Variants in TRMT9B observed in about 807,000 individuals in gnomAD.
TRMT9B encodes probable tRNA methyltransferase 9B.
Under a neutral mutation model 11.5 loss-of-function variants are expected in TRMT9B, and 16 were observed. That is an observed-to-expected ratio of 1.39 (90% CI 0.94 to 2.11). The LOEUF is 2.11. TRMT9B is among the 30% of genes most tolerant of loss of function. The pLI, the probability that TRMT9B is intolerant of heterozygous loss-of-function variation, is 0.00. For synonymous variants in TRMT9B, 274 were observed against 192.4 expected, an observed-to-expected ratio of 1.42 and a Z score of -3.51; for missense variants, 941 against 553.8, an observed-to-expected ratio of 1.70 and a Z score of -7.02.
intron 1 of TRMT9B, among the ~76,000 whole-genome samples, chr8:12,959,120 G>A (rs1045199667): frequency 3.3e-5 from 5 of 152,116 alleles, no homozygotes; most frequent in African/African-American, 9.7e-5. Flanking sequence ...TTCTTCACGT[G>A]ACCAAGAACA....
intron 3 of TRMT9B, among the ~76,000 whole-genome samples, chr8:13,009,583 T>G (rs78025304): frequency 6.6e-6 from 1 of 152,134 alleles, no homozygotes. Context: ...TATGTAAAAA[T>G]AAGCGTATTT....
At chr8:12,990,789 C>T (rs372402513) in intron 1 of TRMT9B, 45 bp from the exon 2 acceptor site, 1 of 1,233,858 alleles carries the variant, frequency 8.1e-7, no homozygotes, top group South Asian at 1.3e-5. Context: ...GCTCCATATA[C>T]ATACCATGTG....
intron 1 of TRMT9B, among the ~76,000 whole-genome samples, chr8:12,960,633 A>G (rs1254840169): frequency 3.3e-5 from 5 of 152,244 alleles, no homozygotes; most frequent in African/African-American, 1.2e-4. Flanking sequence ...GTGATTAAAA[A>G]GAAATGATTT....
intron 3 of TRMT9B, chr8:13,007,520 A>G (rs1477595735): frequency 6.6e-6 from 1 of 152,212 alleles, no homozygotes; most frequent in African/African-American, 2.4e-5. Flanking sequence ...TGGTAAGAGA[A>G]ACAGACATAC....
chr8:13,023,813 A>T lies in TRMT9B; in HGVS notation c.*1769A>T, dbSNP rs890010462. Reference sequence around the variant, plus strand: ...ACTTAAAATAATGATGTTACTTTTGAACAAACTTAAAGAAATATTTTTAAA... The same window carrying T: ...ACTTAAAATAATGATGTTACTTTTGTACAAACTTAAAGAAATATTTTTAAA... On this transcript the variant is annotated 3_prime_UTR_variant, in exon 5 of 5. Transcript: ENST00000524591. The T allele has an allele frequency of 1.8e-5, 3 of 166,496 alleles. No individual in the cohort carries two copies. The highest frequency in any genetic ancestry group is 7.2e-5 in the African/African-American group (3 of 41,424). 10.3% of individuals were successfully genotyped at this position (166,496 alleles called of 1,614,324 possible). A position where few individuals can be genotyped will look rare whatever the true frequency, so the allele number is the denominator to read the frequency against.
intron 2 of TRMT9B, among the ~76,000 whole-genome samples, chr8:13,004,264 C>T (rs1810003336): frequency 6.6e-6 from 1 of 151,872 alleles, no homozygotes; most frequent in Non-Finnish European, 1.5e-5. Flanking sequence ...GGTGAGTCCT[C>T]CTGCTGAACT....
chr8:12,973,895 C>T (rs1336003762), intron 1 of TRMT9B, among the ~76,000 whole-genome samples: 1 of 152,158 alleles, frequency 6.6e-6, no homozygotes, highest in Non-Finnish European at 1.5e-5. Context: ...TGCGGTGGCT[C>T]ATACCTGTAA....
chr8:12,978,121 G>A (rs911819817), intron 1 of TRMT9B, among the ~76,000 whole-genome samples: 4 of 152,210 alleles, frequency 2.6e-5, no homozygotes, highest in African/African-American at 7.2e-5. Context: ...AAGCAAATAA[G>A]CTATAGATCT....
intron 1 of TRMT9B, among the ~76,000 whole-genome samples, chr8:12,980,721 A>G (rs1336847504): frequency 6.6e-6 from 1 of 152,208 alleles, no homozygotes; most frequent in African/African-American, 2.4e-5. Flanking sequence ...TTCGTGACAC[A>G]AGCTGAACCT....
At chr8:12,983,512 T>C (rs1805750352) in intron 1 of TRMT9B, among the ~76,000 whole-genome samples, 1 of 151,894 alleles carries the variant, frequency 6.6e-6, no homozygotes. Context: ...TCTACTAAAA[T>C]TACAGAAATT....
chr8:13,029,648 T>C lies in TRMT9B; in HGVS notation c.*7604T>C, dbSNP rs1480063904. On this transcript the variant is annotated 3_prime_UTR_variant, in exon 5 of 5. Transcript: ENST00000524591. The stretch of plus-strand genomic sequence containing the variant: ...ACGGGGCAAGTTCGTATTTGAATTC[T>C]GTTATATTTATCTAAGGGAAGCAAA... 6.3e-6 allele frequency: 1 copy of C among 159,284 alleles called. No homozygotes were observed. The highest frequency in any genetic ancestry group is 6.5e-5 in the Admixed American group (1 of 15,290). 9.9% of individuals were successfully genotyped at this position (159,284 alleles called of 1,614,324 possible).
intron 1 of TRMT9B, among the ~76,000 whole-genome samples, chr8:12,968,395 A>G (rs1043421310): frequency 2.6e-5 from 4 of 152,202 alleles, no homozygotes; most frequent in African/African-American, 4.8e-5. Flanking sequence ...GAATTGCTGT[A>G]AAAGGAGACT....
At position 12,999,637 on chromosome 8, in the gene TRMT9B, G is replaced by T. The variant is rs1478366323; in HGVS notation, c.-1-6565G>T. Among the ~76,000 whole-genome samples, 3 of 152,292 alleles carry T rather than the reference G, an allele frequency of 2.0e-5. No homozygotes were observed. The South Asian group carries it at 6.2e-4, about 32-fold the overall frequency. On this transcript the variant is annotated intron_variant, in intron 2 of 4. Coordinates refer to ENST00000524591, the MANE Select transcript of TRMT9B (RefSeq NM_020844.3). ...CCTATTACATTTAGGGCCAGTGCTAGATATTATGGGCTAACCAAAGATGTG... is the reference window on the plus strand; with the variant it reads ...CCTATTACATTTAGGGCCAGTGCTATATATTATGGGCTAACCAAAGATGTG...
chr8:13,016,378 A>G (rs1030828344), intron 4 of TRMT9B, among the ~76,000 whole-genome samples: 1 of 146,830 alleles, frequency 6.8e-6, no homozygotes, highest in Non-Finnish European at 1.5e-5. Context: ...TATGAGAAAT[A>G]TATATAAATA....
intron 4 of TRMT9B, among the ~76,000 whole-genome samples, chr8:13,016,740 G>C (rs1007357939): frequency 6.6e-6 from 1 of 151,130 alleles, no homozygotes; most frequent in Non-Finnish European, 1.5e-5. Flanking sequence ...TCTCAACTGG[G>C]GGTTACGTTG....
At chr8:12,990,701 A>T in intron 1 of TRMT9B, 133 bp from the exon 2 acceptor site, 1 of 316,670 alleles carries the variant, frequency 3.2e-6, no homozygotes. Flanking sequence ...CACACTCCAC[A>T]TATTAACAAT....
chr8:12,946,199 T>G (rs563999935), intron 1 of TRMT9B, among the ~76,000 whole-genome samples: 14 of 152,340 alleles, frequency 9.2e-5, no homozygotes, highest in African/African-American at 3.4e-4. Context: ...AACTGATACA[T>G]TCTTAGGACA....
In TRMT9B at chr8:13,023,841, G is replaced by C. The variant is rs77739595; in HGVS notation, c.*1797G>C. ...AAACTTAAAGAAATATTTTTAAAGC[G>C]TATCTGAAAACGATTGATGTTTATA... On this transcript the variant is annotated 3_prime_UTR_variant, in exon 5 of 5. Coordinates refer to ENST00000524591, the MANE Select transcript of TRMT9B (RefSeq NM_020844.3). The C allele has an allele frequency of 1.7e-3, 289 of 166,700 alleles. No individual in the cohort carries two copies. Among genetic ancestry groups the C allele is most frequent in the Middle Eastern group, 3.4e-3 (1 of 296 alleles). The allele number at this position is 166,700 out of a possible 1,614,324, so 10.3% of individuals were successfully genotyped here.
intron 1 of TRMT9B, among the ~76,000 whole-genome samples, chr8:12,963,286 A>G (rs577216908): frequency 6.6e-6 from 1 of 152,088 alleles, no homozygotes; most frequent in Non-Finnish European, 1.5e-5. Flanking sequence ...TTCAAAAATT[A>G]GCCTGGTGTG....
Sources: allele counts gnomAD v4.1 joint callset (sites outside exome capture counted in the v4.1 genomes callset), GRCh38; gene constraint gnomAD v4.1.1; transcripts MANE v1.5; gene names NCBI Gene and HGNC (gene_info 2026-07-23, HGNC 2026-07-21).